Variants in GRAMD2A observed in about 807,000 individuals in gnomAD.
The protein encoded by GRAMD2A is GRAM domain containing 2A, also known as GRAM domain-containing protein 2A.
In GRAMD2A, 37 loss-of-function variants were observed where a neutral mutation model predicts 51.1. The observed-to-expected ratio is 0.72, with a 90% CI of 0.56 to 0.95. GRAMD2A has a LOEUF of 0.95. GRAMD2A is among the 40% of genes least tolerant of loss of function. The probability of loss-of-function intolerance (pLI) is 0.00; values close to 1 mark genes in which losing one functional copy is unlikely to be tolerated. For synonymous variants in GRAMD2A, 136 were observed against 157.1 expected, an observed-to-expected ratio of 0.87 and a Z score of 1.01; for missense variants, 414 against 426.9, an observed-to-expected ratio of 0.97 and a Z score of 0.27.
intron 2 of GRAMD2A, chr15:72,169,506 C>T (rs1265696436): frequency 1.8e-6 from 1 of 543,616 alleles, no homozygotes; most frequent in African/African-American, 1.9e-5. Flanking sequence ...CTGCGGGGAG[C>T]TTGGCACAGA....
rs1311601304 is a variant in GRAMD2A, at chr15:72,197,742, G to C, written c.30C>G (p.Thr10=). MTALSRSEA[T]EEGGNQQMHR... ...CCGCAACCCCTTACCCGCCCTCCTC[G>C]GTGGCCTCGCTCCGGCTTAAAGCGG... The change falls in exon 1 of 12, where the codon ACC becomes ACG. Residue 10 remains threonine, a synonymous_variant. Coordinates refer to ENST00000309731, the MANE Select transcript of GRAMD2A (RefSeq NM_001012642.3). 7.5e-7 allele frequency: 1 copy of C among 1,336,572 alleles called. No homozygotes were observed. Among genetic ancestry groups the C allele is most frequent in the Non-Finnish European group, 9.6e-7 (1 of 1,036,932 alleles). The allele number at this position is 1,336,572 out of a possible 1,614,324, so 82.8% of individuals were successfully genotyped here. A position where few individuals can be genotyped will look rare whatever the true frequency, so the allele number is the denominator to read the frequency against.
At chr15:72,180,586 C>T (rs1009211319) in intron 1 of GRAMD2A, among the ~76,000 whole-genome samples, 2 of 152,208 alleles carry the variant, frequency 1.3e-5, no homozygotes, top group African/African-American at 2.4e-5. Flanking sequence ...CCAGACAGCC[C>T]ACCCCAACCA....
At chr15:72,175,705 T>C (rs2081647518) in intron 1 of GRAMD2A, 1 of 152,296 alleles carries the variant, frequency 6.6e-6, no homozygotes, top group Admixed American at 6.5e-5. Flanking sequence ...GCCCCAGCAC[T>C]TACCACACCA....
intron 1 of GRAMD2A, chr15:72,173,557 C>T (rs2081629762): frequency 6.6e-6 from 1 of 152,214 alleles, no homozygotes; most frequent in Admixed American, 6.5e-5. Flanking sequence ...CTCACGACAA[C>T]TCCAGGGAGG....
intron 1 of GRAMD2A, among the ~76,000 whole-genome samples, chr15:72,179,732 T>A (rs1162515130): frequency 6.6e-6 from 1 of 152,184 alleles, no homozygotes; most frequent in Non-Finnish European, 1.5e-5. Context: ...ACCCTGCCCA[T>A]TGAGCAGGAC....
In GRAMD2A at chr15:72,166,364, T is replaced by C. The variant is rs1302954747; in HGVS notation, c.543+268A>G. 2.0e-5 allele frequency among the ~76,000 whole-genome samples: 3 copies of C among 152,340 alleles called. No homozygotes were observed. Among genetic ancestry groups the C allele is most frequent in the African/African-American group, 7.2e-5 (3 of 41,592 alleles). The stretch of plus-strand genomic sequence containing the variant: ...TTTGACTTACGATATTTTCAACTTT[T>C]GATGGGTTCATGGGACATAAGCCCA... On this transcript the variant is annotated intron_variant, in intron 7 of 11. Transcript: ENST00000309731. This position sits in a 1 kb window ranked among gnomAD's most constrained non-coding sequence, Gnocchi z 4.1.
At chr15:72,197,151 C>A (rs1355731204) in intron 1 of GRAMD2A, among the ~76,000 whole-genome samples, 3 of 152,200 alleles carry the variant, frequency 2.0e-5, no homozygotes, top group Non-Finnish European at 4.4e-5. Context: ...GGCCGGGAGA[C>A]CGGCCCCAGC....
chr15:72,162,103 A>G (rs769926390), intron 11 of GRAMD2A, 91 bp from the exon 12 acceptor site: 70 of 1,529,388 alleles, frequency 4.6e-5, no homozygotes, highest in Middle Eastern at 1.7e-4. Flanking sequence ...TACTTCCCCC[A>G]AGAGTGGGCC....
rs942135652 is a variant in GRAMD2A at position 72,166,907 on chromosome 15, G to A, written c.471+87C>T. Reference sequence around the variant, plus strand: ...GAGCTGCAGGGTGGGGTGAAATAAAGACCTGGGAATGTGCCCGAGTCAGAC... The same window carrying A: ...GAGCTGCAGGGTGGGGTGAAATAAAAACCTGGGAATGTGCCCGAGTCAGAC... On this transcript the variant is annotated intron_variant, in intron 6 of 11. Transcript: ENST00000309731. The surrounding 1 kb of genome is among the most constrained non-coding windows in gnomAD (Gnocchi z 4.1). 1.5e-5 allele frequency: 17 copies of A among 1,116,958 alleles called. No homozygotes were observed. The African/African-American group carries it at 2.1e-4, about 14-fold the overall frequency. The allele number at this position is 1,116,958 out of a possible 1,614,324, so 69.2% of individuals were successfully genotyped here. A position where few individuals can be genotyped will look rare whatever the true frequency, so the allele number is the denominator to read the frequency against.
At chr15:72,187,116 C>T (rs1477467787) in intron 1 of GRAMD2A, among the ~76,000 whole-genome samples, 2 of 151,208 alleles carry the variant, frequency 1.3e-5, no homozygotes, top group South Asian at 2.1e-4. Flanking sequence ...GCTGAGATAG[C>T]GCCACTGCAT....
chr15:72,184,631 G>C (rs2081722468), intron 1 of GRAMD2A, among the ~76,000 whole-genome samples: 2 of 152,196 alleles, frequency 1.3e-5, no homozygotes, highest in African/African-American at 2.4e-5. Flanking sequence ...CTCGGCCGAG[G>C]GCTCAGATTC....
chr15:72,194,991 A>G (rs552200030), intron 1 of GRAMD2A, among the ~76,000 whole-genome samples: 1 of 152,296 alleles, frequency 6.6e-6, no homozygotes, highest in African/African-American at 2.4e-5. Context: ...CCCGGCTCAA[A>G]TTCATACTTT....
chr15:72,189,672 T>C (rs1596699345), intron 1 of GRAMD2A, among the ~76,000 whole-genome samples: 1 of 152,230 alleles, frequency 6.6e-6, no homozygotes, highest in Non-Finnish European at 1.5e-5. Context: ...TTAGAGGCAC[T>C]GAAAGGAAAG....
In GRAMD2A at chr15:72,162,289, G is replaced by C; in HGVS notation, c.1045C>G (p.Pro349Ala). The C allele has an allele frequency of 2.5e-6, 4 of 1,612,996 alleles. No homozygotes were observed. Among genetic ancestry groups the C allele is most frequent in the Non-Finnish European group, 3.4e-6 (4 of 1,178,968 alleles). The change falls in exon 11 of 12, where the codon CCA (proline) becomes GCA (alanine). Residue 349 changes from proline (P) to alanine (A), a missense_variant. Pro to Ala is a conservative substitution (Grantham distance 27). Coordinates refer to ENST00000309731, the MANE Select transcript of GRAMD2A (RefSeq NM_001012642.3). ...QQLCSLSWDDPVPGHR is the reference protein window; with the variant it reads ...QQLCSLSWDDAVPGHR Reference sequence around the variant, plus strand: ...AGGCCTCACCTGTGCCCAGGGACTGGGTCATCCCAACTCAAGGAGCATAAC... The same window carrying C: ...AGGCCTCACCTGTGCCCAGGGACTGCGTCATCCCAACTCAAGGAGCATAAC...
intron 1 of GRAMD2A, chr15:72,176,059 G>C (rs1260580607): frequency 6.6e-6 from 1 of 152,500 alleles, no homozygotes; most frequent in African/African-American, 2.4e-5. Context: ...ACTGATCAAA[G>C]AGGAACTCAG....
chr15:72,168,592 G>A, intron 3 of GRAMD2A, 26 bp from the exon 4 acceptor site: 1 of 1,599,140 alleles, frequency 6.3e-7, no homozygotes, highest in South Asian at 1.1e-5. Flanking sequence ...CTGCGTCTGA[G>A]AAGCGCTGGG....
At chr15:72,164,708 A>C (rs189281298) in intron 8 of GRAMD2A, among the ~76,000 whole-genome samples, 219 of 150,950 alleles carry the variant, frequency 1.5e-3, no homozygotes, top group African/African-American at 5.1e-3. Flanking sequence ...CTCGGCTCCC[A>C]GGGTCATCTT....
chr15:72,192,662 T>C (rs2081776532), intron 1 of GRAMD2A, among the ~76,000 whole-genome samples: 1 of 152,236 alleles, frequency 6.6e-6, no homozygotes, highest in East Asian at 1.9e-4. Context: ...TGATGTGCCA[T>C]GTACAGATGT....
intron 3 of GRAMD2A, 21 bp downstream of exon 3, chr15:72,168,918 G>A (rs1433662043): frequency 6.2e-7 from 1 of 1,611,044 alleles, no homozygotes; most frequent in Non-Finnish European, 8.5e-7. Context: ...TGAATAGTGA[G>A]AAGTCAGCCT....
Sources: gnomAD v4.1 joint callset for allele counts (sites outside exome capture counted in the v4.1 genomes callset) on GRCh38, gnomAD v4.1.1 for gene constraint, Gnocchi (gnomAD v3.1) non-coding constraint, MANE v1.5 for transcripts, NCBI Gene and HGNC (gene_info 2026-07-23, HGNC 2026-07-21) for gene names.